The following B9D1 variants were observed in gnomAD, a reference collection of about 807,000 sequenced individuals.
B9D1 encodes the protein B9 domain containing 1, also known as B9 domain-containing protein 1.
In B9D1, 20 loss-of-function variants were observed where a neutral mutation model predicts 26.1. The ratio of observed to expected loss-of-function variants is 0.77; its 90% CI spans 0.54 to 1.12. B9D1 has a LOEUF of 1.12. Ranked by LOEUF, B9D1 falls within the 50% of genes most tolerant of loss-of-function variation. The pLI, the probability that B9D1 is intolerant of heterozygous loss-of-function variation, is 0.00. For synonymous variants in B9D1, 105 were observed against 103.1 expected, an observed-to-expected ratio of 1.02 and a Z score of -0.11; for missense variants, 260 against 273.7, an observed-to-expected ratio of 0.95 and a Z score of 0.35.
chr17:19,343,097 G>C (rs955532616), downstream of B9D1: 1 of 1,417,918 alleles, frequency 7.1e-7, no homozygotes, highest in African/African-American at 1.4e-5. Context: ...CTGGAGGTGG[G>C]GCCAGGAAAG....
chr17:19,363,678 A>ATGG (rs1170470919), upstream of B9D1: 1 of 152,206 alleles, frequency 6.6e-6, no homozygotes, highest in Non-Finnish European at 1.5e-5. Context: ...ACAGGTGTGT[A>ATGG]GACTCCCGGG....
upstream of B9D1, among the ~76,000 whole-genome samples, chr17:19,364,031 G>T (rs1911439652): frequency 6.6e-6 from 1 of 152,174 alleles, no homozygotes; most frequent in African/African-American, 2.4e-5. The surrounding 1 kb of genome is among the most constrained non-coding windows in gnomAD (Gnocchi z 4.3). Context: ...TCTCTTTCCA[G>T]TTAAAGTGCT....
At chr17:19,362,345 C>A (rs573443036) in intron 1 of B9D1, among the ~76,000 whole-genome samples, 162 bp downstream of exon 1, 1 of 152,336 alleles carries the variant, frequency 6.6e-6, no homozygotes, top group Admixed American at 6.5e-5. Flanking sequence ...TCCGGGCAAC[C>A]TCGCGCCAAG....
intron 3 of B9D1, among the ~76,000 whole-genome samples, chr17:19,354,755 G>A (rs1910098084): frequency 6.6e-6 from 1 of 152,176 alleles, no homozygotes; most frequent in African/African-American, 2.4e-5. Context: ...TTGAACCTGG[G>A]AGGCGGAGGT....
intron 2 of B9D1, among the ~76,000 whole-genome samples, chr17:19,358,456 T>C (rs1910637397): frequency 6.6e-6 from 1 of 152,236 alleles, no homozygotes; most frequent in African/African-American, 2.4e-5. Flanking sequence ...GCTATTCTTT[T>C]GTGACCCCAC....
downstream of B9D1, chr17:19,335,300 A>C (rs1243457842): frequency 2.5e-6 from 3 of 1,187,198 alleles, no homozygotes; most frequent in Non-Finnish European, 2.3e-6. Flanking sequence ...CTGAGAGGCT[A>C]TTTTTCTTAC....
intron 5 of B9D1, among the ~76,000 whole-genome samples, chr17:19,344,098 C>A (rs1400688653): frequency 6.6e-6 from 1 of 152,234 alleles, no homozygotes; most frequent in Non-Finnish European, 1.5e-5. Flanking sequence ...GCCACGCTGC[C>A]TCCGCTGGCC....
chr17:19,342,512 T>C (rs1005008711), downstream of B9D1, among the ~76,000 whole-genome samples: 3 of 151,838 alleles, frequency 2.0e-5, no homozygotes, highest in Non-Finnish European at 4.4e-5. Flanking sequence ...AGAGAGGGCC[T>C]GGGGCTGCCT....
At chr17:19,366,311 C>T (rs1168555973), upstream of B9D1, among the ~76,000 whole-genome samples, 1 of 152,010 alleles carries the variant, frequency 6.6e-6, no homozygotes, top group African/African-American at 2.4e-5. Context: ...ACAGACTTGG[C>T]GCTGGGGTCT....
chr17:19,340,050 G>T (rs62065892), downstream of B9D1, among the ~76,000 whole-genome samples: 61 of 74,038 alleles, frequency 8.2e-4, no homozygotes, highest in Middle Eastern at 6.9e-3. Flanking sequence ...CCCCCCCCCG[G>T]CTTCCCGGGC....
At chr17:19,341,989 A>T (rs909296845), downstream of B9D1, among the ~76,000 whole-genome samples, 1 of 152,096 alleles carries the variant, frequency 6.6e-6, no homozygotes, top group African/African-American at 2.4e-5. Context: ...GGATGCCTCA[A>T]TCCAGACTTT....
chr17:19,353,426 T>C (rs376210489), intron 3 of B9D1, among the ~76,000 whole-genome samples: 1 of 150,536 alleles, frequency 6.6e-6, no homozygotes, highest in Admixed American at 6.6e-5. Context: ...TCACCTGATG[T>C]CAGGAGTTGA....
chr17:19,341,124 A>C, downstream of B9D1: 1 of 1,227,948 alleles, frequency 8.1e-7, no homozygotes, highest in South Asian at 4.3e-5. Flanking sequence ...AAAATTGGAA[A>C]ATTAAACATA....
At chr17:19,353,658 C>G (rs887407653) in intron 3 of B9D1, among the ~76,000 whole-genome samples, 1 of 147,948 alleles carries the variant, frequency 6.8e-6, no homozygotes, top group Non-Finnish European at 1.5e-5. Flanking sequence ...TAAATAAATA[C>G]GACCAGGCAT....
chr17:19,340,253 C>G (rs1598039285), downstream of B9D1, among the ~76,000 whole-genome samples: 1 of 152,058 alleles, frequency 6.6e-6, no homozygotes, highest in South Asian at 2.1e-4. Context: ...TCACTGCAAC[C>G]TCCACCTCCC....
At chr17:19,377,255 G>C (rs1235534279) in intron 1 of B9D1, among the ~76,000 whole-genome samples, 2 of 152,128 alleles carry the variant, frequency 1.3e-5, no homozygotes, top group African/African-American at 4.8e-5. Flanking sequence ...TTTCTTTTAG[G>C]GGCGATGAAA....
At chr17:19,339,063 GGA>G (rs150017350), downstream of B9D1, among the ~76,000 whole-genome samples, 986 of 152,074 alleles carry the variant, frequency 6.5e-3, 52 homozygotes, top group East Asian at 0.12. Flanking sequence ...GATCATGATG[GGA>G]GAGCCACCCC....
At chr17:19,357,384 G>C (rs910190087) in intron 3 of B9D1, among the ~76,000 whole-genome samples, 1 of 152,224 alleles carries the variant, frequency 6.6e-6, no homozygotes, top group Non-Finnish European at 1.5e-5. Context: ...CATAGGACGT[G>C]GGAATGGTAT....
chr17:19,367,985 G>A (rs4924989), intron 1 of B9D1, among the ~76,000 whole-genome samples: 285 of 152,326 alleles, frequency 1.9e-3, no homozygotes, highest in Non-Finnish European at 2.2e-3. Flanking sequence ...ACTCTGGGGG[G>A]CCCTGAGGCC....
Sources: gnomAD v4.1 joint callset for allele counts (sites outside exome capture counted in the v4.1 genomes callset) on GRCh38, gnomAD v4.1.1 for gene constraint, Gnocchi (gnomAD v3.1) non-coding constraint, MANE v1.5 for transcripts, NCBI Gene and HGNC (gene_info 2026-07-23, HGNC 2026-07-21) for gene names.